The following GRID1 variants were observed in gnomAD, a reference collection of about 807,000 sequenced individuals.
GRID1 encodes glutamate ionotropic receptor delta type subunit 1.
A neutral mutation model predicts 98.0 loss-of-function variants in GRID1; 28 were observed. That is an observed-to-expected ratio of 0.29 (90% CI 0.21 to 0.39). The LOEUF is 0.39. GRID1 is among the 10% of genes least tolerant of loss of function. The pLI is 1.00. For synonymous variants in GRID1, 553 were observed against 538.5 expected (o/e 1.03, Z -0.37); for missense variants, 1,111 against 1,340.5 (o/e 0.83, Z 2.67).
At position 85,600,165 on chromosome 10, in the gene GRID1, C is replaced by A. The variant is rs1194665463; in HGVS notation, c.*2108G>T. 1.3e-5 allele frequency: 2 copies of A among 152,420 alleles called. No individual in the cohort carries two copies. Among genetic ancestry groups the A allele is most frequent in the Non-Finnish European group, 2.9e-5 (2 of 68,028 alleles). The allele number at this position is 152,420 out of a possible 1,614,324, so 9.4% of individuals were successfully genotyped here. A position where few individuals can be genotyped will look rare whatever the true frequency, so the allele number is the denominator to read the frequency against. On this transcript the variant is annotated 3_prime_UTR_variant, in exon 16 of 16. Transcript: ENST00000327946. ...TATGTGAAAAATTGACCATTCAGGG[C>A]AGGGCCCCCAACGTGCTGATGGAAA...
intron 8 of GRID1, among the ~76,000 whole-genome samples, chr10:85,850,867 G>A (rs1564609341): frequency 1.3e-5 from 2 of 152,162 alleles, no homozygotes; most frequent in Admixed American, 6.5e-5. Flanking sequence ...AAACTCAGGA[G>A]AGGCAGAGCC....
intron 3 of GRID1, among the ~76,000 whole-genome samples, chr10:86,187,352 G>C (rs1193095434): frequency 6.6e-6 from 1 of 152,172 alleles, no homozygotes; most frequent in Non-Finnish European, 1.5e-5. Context: ...GACGCCTACA[G>C]GCAACCTGAG....
intron 2 of GRID1, among the ~76,000 whole-genome samples, chr10:86,232,470 C>G (rs1228742795): frequency 6.6e-6 from 1 of 152,188 alleles, no homozygotes; most frequent in East Asian, 1.9e-4. Flanking sequence ...GGAGTCGATA[C>G]AGCCCAGCTG....
chr10:85,639,357 C>T (rs766737648), intron 13 of GRID1, among the ~76,000 whole-genome samples: 25 of 152,238 alleles, frequency 1.6e-4, no homozygotes, highest in South Asian at 4.1e-4. Flanking sequence ...ATATTAACTA[C>T]AAGAGCAGGT....
rs566310472 is a variant in GRID1, at chr10:85,881,367, C to T, written c.781-12187G>A. ...CCAGAGGCATCACACTACCTGACGT[C>T]GAACTATACTACAAGGCTACAGTCA... On this transcript the variant is annotated intron_variant, in intron 5 of 15. Transcript: ENST00000327946. 1.9e-3 allele frequency among the ~76,000 whole-genome samples: 294 copies of T among 152,286 alleles called. 3 individuals are homozygous for T. The highest frequency in any genetic ancestry group is 3.2e-3 in the Non-Finnish European group (221 of 68,028).
chr10:85,735,936 C>CAGGAGGGAGAGA (rs1352600409), intron 8 of GRID1, among the ~76,000 whole-genome samples: 1 of 93,398 alleles, frequency 1.1e-5, no homozygotes, highest in Non-Finnish European at 2.0e-5. Flanking sequence ...GGAGAGAAGG[C>CAGGAGGGAGAGA]AGGAGGGAGA....
At chr10:85,979,251 C>A (rs1017919994) in intron 4 of GRID1, among the ~76,000 whole-genome samples, 1 of 152,116 alleles carries the variant, frequency 6.6e-6, no homozygotes, top group Non-Finnish European at 1.5e-5. Flanking sequence ...CCACCACCTA[C>A]CCTGTATCTG....
intron 13 of GRID1, among the ~76,000 whole-genome samples, chr10:85,637,684 T>C (rs917353905): frequency 1.3e-5 from 2 of 152,252 alleles, no homozygotes; most frequent in Non-Finnish European, 2.9e-5. Context: ...CTGTACCTTT[T>C]ATTTCTTGCT....
chr10:86,159,546 C>G (rs1224763457), intron 3 of GRID1, among the ~76,000 whole-genome samples: 5 of 152,164 alleles, frequency 3.3e-5, no homozygotes, highest in Non-Finnish European at 7.3e-5. Context: ...CCCTCTAGGT[C>G]TGTGTAAGTA....
intron 3 of GRID1, among the ~76,000 whole-genome samples, chr10:86,155,163 C>A (rs1167236585): frequency 1.3e-5 from 2 of 152,236 alleles, no homozygotes; most frequent in Non-Finnish European, 2.9e-5. Context: ...TGCCAGATGC[C>A]CTCTGCCCAG....
In GRID1 at chr10:85,723,161, T is replaced by A. The variant is rs188590858; in HGVS notation, c.1859-20A>T. 2.0e-3 allele frequency: 3,212 copies of A among 1,592,502 alleles called. 17 individuals carry two copies. Among genetic ancestry groups the A allele is most frequent in the South Asian group, 1.8e-3 (153 of 86,942 alleles). On this transcript the variant is annotated intron_variant, in intron 11 of 15. Coordinates refer to ENST00000327946, the MANE Select transcript of GRID1 (RefSeq NM_017551.3). ...CGCCACCTGCGGGAGGCAGACAAAG[T>A]GGATTGGCCAGTGGCTTCTGCTCTC...
In GRID1 at chr10:85,873,311, G is replaced by A. The variant is rs117305004; in HGVS notation, c.781-4131C>T. 6.5e-3 allele frequency among the ~76,000 whole-genome samples: 996 copies of A among 152,314 alleles called. 4 individuals carry two copies. Among genetic ancestry groups the A allele is most frequent in the Non-Finnish European group, 1.0e-2 (680 of 68,038 alleles). On this transcript the variant is annotated intron_variant, in intron 5 of 15. Coordinates refer to ENST00000327946, the MANE Select transcript of GRID1 (RefSeq NM_017551.3). ...TCCTGGGCAAAGATTCCCTCCAGTAGTGCAGCCAATGAGCAGAAGAAGCAA... is the reference window on the plus strand; with the variant it reads ...TCCTGGGCAAAGATTCCCTCCAGTAATGCAGCCAATGAGCAGAAGAAGCAA...
intron 2 of GRID1, among the ~76,000 whole-genome samples, chr10:86,329,498 C>G (rs780919778): frequency 1.3e-5 from 2 of 152,192 alleles, no homozygotes. Flanking sequence ...TGGCAAGGAG[C>G]CCCCTGCCTA....
chr10:85,643,328 G>C (rs546172942), intron 13 of GRID1, among the ~76,000 whole-genome samples: 1 of 152,274 alleles, frequency 6.6e-6, no homozygotes, highest in Non-Finnish European at 1.5e-5. Flanking sequence ...TGGAGAGGCT[G>C]TTCCTCCCTG....
chr10:85,962,613 T>C (rs550029400), intron 4 of GRID1, among the ~76,000 whole-genome samples: 17 of 152,260 alleles, frequency 1.1e-4, no homozygotes, highest in Non-Finnish European at 1.8e-4. Flanking sequence ...GATCCTAGAA[T>C]GCAAGATGGT....
intron 3 of GRID1, among the ~76,000 whole-genome samples, chr10:86,169,313 G>T (rs1444065927): frequency 6.6e-6 from 1 of 152,108 alleles, no homozygotes; most frequent in Non-Finnish European, 1.5e-5. Flanking sequence ...CAGGGGCAGT[G>T]GTATGCTAGG....
At chr10:86,252,769 C>T (rs1040308811) in intron 2 of GRID1, among the ~76,000 whole-genome samples, 25 of 152,136 alleles carry the variant, frequency 1.6e-4, no homozygotes, top group Non-Finnish European at 3.4e-4. Context: ...TCTCTGGGGG[C>T]CTCCGGCTGA....
At chr10:85,969,244 A>C (rs1842376849) in intron 4 of GRID1, among the ~76,000 whole-genome samples, 1 of 152,180 alleles carries the variant, frequency 6.6e-6, no homozygotes, top group African/African-American at 2.4e-5. Context: ...ATAATATTAT[A>C]GTTGGAGACT....
chr10:85,681,002 G>C (rs77755996), intron 12 of GRID1, among the ~76,000 whole-genome samples: 78 of 152,298 alleles, frequency 5.1e-4, no homozygotes, highest in African/African-American at 1.7e-3. Flanking sequence ...ACGGGGCTGA[G>C]GGAGGAGAAA....
Sources: gnomAD v4.1 joint callset for allele counts (sites outside exome capture counted in the v4.1 genomes callset) on GRCh38, gnomAD v4.1.1 for gene constraint, MANE v1.5 for transcripts, NCBI Gene and HGNC (gene_info 2026-07-23, HGNC 2026-07-21) for gene names.